Variants in NDUFAF2 observed in about 807,000 individuals in gnomAD.
NDUFAF2 encodes the protein NADH dehydrogenase [ubiquinone] 1 alpha subcomplex assembly factor 2.
In NDUFAF2, 13 loss-of-function variants were observed where a neutral mutation model predicts 22.8. The observed-to-expected ratio is 0.57, with a 90% confidence interval of 0.37 to 0.91. NDUFAF2 has a LOEUF of 0.91. NDUFAF2 is among the 40% of genes least tolerant of loss of function. NDUFAF2 has a pLI of 0.01. For synonymous variants in NDUFAF2, 53 were observed against 64.2 expected, an observed-to-expected ratio of 0.83 and a Z score of 0.84; for missense variants, 162 against 195.2, an observed-to-expected ratio of 0.83 and a Z score of 1.01.
At chr5:61,051,661 A>G (rs1364486492) in intron 1 of NDUFAF2, among the ~76,000 whole-genome samples, 2 of 152,194 alleles carry the variant, frequency 1.3e-5, no homozygotes, top group African/African-American at 4.8e-5. Flanking sequence ...AATGCATTGT[A>G]GAATTGAGTT....
chr5:61,145,684 G>C (rs894243554), intron 3 of NDUFAF2, among the ~76,000 whole-genome samples: 1 of 152,158 alleles, frequency 6.6e-6, no homozygotes, highest in African/African-American at 2.4e-5. Context: ...AAACTAATTT[G>C]CTCCAGCTGA....
chr5:61,079,919 G>T (rs1486131532), intron 2 of NDUFAF2, among the ~76,000 whole-genome samples: 1 of 152,134 alleles, frequency 6.6e-6, no homozygotes, highest in African/African-American at 2.4e-5. Flanking sequence ...GTAAACTGGG[G>T]CGATCGTGAG....
chr5:60,978,498 C>A (rs1307653935), intron 1 of NDUFAF2, among the ~76,000 whole-genome samples: 1 of 152,066 alleles, frequency 6.6e-6, no homozygotes, highest in Non-Finnish European at 1.5e-5. Context: ...TCTTACATGT[C>A]CAGAGCAGGA....
intron 3 of NDUFAF2, among the ~76,000 whole-genome samples, chr5:61,107,090 C>CACACACACACACAT (rs918380662): frequency 4.2e-4 from 62 of 146,148 alleles, no homozygotes; most frequent in African/African-American, 1.5e-3. Context: ...CACACACACA[C>CACACACACACACAT]ATATATGCCT....
chr5:61,044,195 C>G (rs1751918868), intron 1 of NDUFAF2, among the ~76,000 whole-genome samples: 1 of 151,358 alleles, frequency 6.6e-6, no homozygotes. Flanking sequence ...ATTTTTTAAT[C>G]AGGTTATTTT....
chr5:61,040,302 GAA>G (rs1751862343), intron 1 of NDUFAF2, among the ~76,000 whole-genome samples: 4 of 146,356 alleles, frequency 2.7e-5, no homozygotes, highest in East Asian at 2.0e-4. Flanking sequence ...GCGCGCGCGC[GAA>G]AGTTGAAAGC....
In NDUFAF2 at chr5:61,073,109, G is replaced by T; in HGVS notation, c.128-16G>T. On this transcript the variant is annotated splice_polypyrimidine_tract_variant and intron_variant, in intron 1 of 3. Coordinates refer to ENST00000296597, the MANE Select transcript of NDUFAF2 (RefSeq NM_174889.5). Reference sequence around the variant, plus strand: ...TAGGTTCATTTAAAAATGTATTAATGACTTTTGTCTTATAGGACAAACTAT... The same window carrying T: ...TAGGTTCATTTAAAAATGTATTAATTACTTTTGTCTTATAGGACAAACTAT... 1 of 1,519,140 alleles carries T rather than the reference G, an allele frequency of 6.6e-7. No homozygotes were observed. 94.1% of individuals were successfully genotyped at this position (1,519,140 alleles called of 1,614,324 possible). A position where few individuals can be genotyped will look rare whatever the true frequency, so the allele number is the denominator to read the frequency against.
chr5:61,039,803 G>C (rs1024906339), intron 1 of NDUFAF2, among the ~76,000 whole-genome samples: 3 of 152,118 alleles, frequency 2.0e-5, no homozygotes, highest in Non-Finnish European at 4.4e-5. Flanking sequence ...CCTTAATTCT[G>C]ATGAGGTATG....
At chr5:60,977,914 A>G (rs1433433564) in intron 1 of NDUFAF2, among the ~76,000 whole-genome samples, 1 of 152,140 alleles carries the variant, frequency 6.6e-6, no homozygotes, top group Non-Finnish European at 1.5e-5. Context: ...TTGAACAACT[A>G]TGCACATGAA....
At chr5:61,075,056 G>C (rs970135752) in intron 2 of NDUFAF2, among the ~76,000 whole-genome samples, 1 of 151,900 alleles carries the variant, frequency 6.6e-6, no homozygotes, top group Admixed American at 6.6e-5. Context: ...CGACACAAGG[G>C]GATTACAATT....
At chr5:61,119,134 C>G (rs563295418) in intron 3 of NDUFAF2, among the ~76,000 whole-genome samples, 19 of 152,218 alleles carry the variant, frequency 1.2e-4, no homozygotes, top group Admixed American at 1.2e-3. Context: ...TTTGAAAATA[C>G]CAAAAGCACT....
chr5:61,093,844 C>A (rs1423945936), intron 2 of NDUFAF2, among the ~76,000 whole-genome samples: 1 of 152,068 alleles, frequency 6.6e-6, no homozygotes, highest in Non-Finnish European at 1.5e-5. Context: ...ATAGTTCCAG[C>A]TCTTCTTTGT....
intron 2 of NDUFAF2, among the ~76,000 whole-genome samples, chr5:61,084,419 T>C (rs1752481033): frequency 6.6e-6 from 1 of 152,142 alleles, no homozygotes; most frequent in Admixed American, 6.6e-5. Flanking sequence ...TCGCCAGAAC[T>C]TTTTTCATCT....
At chr5:60,992,766 A>G (rs2112586095) in intron 1 of NDUFAF2, among the ~76,000 whole-genome samples, 1 of 151,862 alleles carries the variant, frequency 6.6e-6, no homozygotes, top group Admixed American at 6.6e-5. Flanking sequence ...TTTCTTCTTC[A>G]TGTTTGAAGG....
intron 1 of NDUFAF2, among the ~76,000 whole-genome samples, chr5:60,986,383 G>A (rs749946782): frequency 6.6e-6 from 1 of 152,112 alleles, no homozygotes; most frequent in Non-Finnish European, 1.5e-5. Context: ...AGTAAATAAT[G>A]AAATTAAGGC....
At chr5:61,000,384 T>G (rs1751281025) in intron 1 of NDUFAF2, among the ~76,000 whole-genome samples, 1 of 152,170 alleles carries the variant, frequency 6.6e-6, no homozygotes, top group Admixed American at 6.6e-5. Context: ...CTGTGTGTAC[T>G]GTTTGTTCAG....
At chr5:60,972,791 TTTC>T (rs1284489459) in intron 1 of NDUFAF2, among the ~76,000 whole-genome samples, 1 of 150,056 alleles carries the variant, frequency 6.7e-6, no homozygotes, top group Non-Finnish European at 1.5e-5. Flanking sequence ...TTTTTTTGGT[TTTC>T]TTTTTTTTTT....
At chr5:60,947,090 C>T (rs1750471729) in intron 1 of NDUFAF2, among the ~76,000 whole-genome samples, 1 of 152,168 alleles carries the variant, frequency 6.6e-6, no homozygotes, top group African/African-American at 2.4e-5. Context: ...CATTCCCATA[C>T]AGGATTTGTG....
At chr5:61,100,420 A>G (rs1343830307) in intron 3 of NDUFAF2, among the ~76,000 whole-genome samples, 2 of 152,020 alleles carry the variant, frequency 1.3e-5, no homozygotes, top group African/African-American at 4.8e-5. Context: ...AAGTCCTTCC[A>G]TCCCTGAGCT....
Sources: allele counts gnomAD v4.1 joint callset (sites outside exome capture counted in the v4.1 genomes callset), GRCh38; gene constraint gnomAD v4.1.1; transcripts MANE v1.5; gene names NCBI Gene and HGNC (gene_info 2026-07-23, HGNC 2026-07-21).